Variants in PLA2R1 observed in about 807,000 individuals in gnomAD.
PLA2R1 encodes the protein phospholipase A2 receptor 1.
Under a neutral mutation model 195.9 loss-of-function variants are expected in PLA2R1, and 158 were observed. The ratio of observed to expected loss-of-function variants is 0.81; its 90% CI spans 0.71 to 0.92. PLA2R1 has a LOEUF of 0.92. Ranked by LOEUF, PLA2R1 falls within the 40% of genes least tolerant of loss-of-function variation. The pLI, the probability that PLA2R1 is intolerant of heterozygous loss-of-function variation, is 0.00. For missense variants in PLA2R1, 1,626 were observed against 1,764.6 expected (o/e 0.92, Z 1.41); for synonymous variants, 586 against 598.2 (o/e 0.98, Z 0.30).
chr2:160,024,448 C>T (rs1693368604), intron 6 of PLA2R1, among the ~76,000 whole-genome samples: 1 of 152,100 alleles, frequency 6.6e-6, no homozygotes, highest in Non-Finnish European at 1.5e-5. Context: ...CCAGAGTAGT[C>T]ATGTTCCCCA....
Position 159,938,989 on chromosome 2 carries a change from A to G in PLA2R1, c.*2789T>C, listed in dbSNP as rs2125910791. On this transcript the variant is annotated 3_prime_UTR_variant, in exon 30 of 30. Coordinates refer to ENST00000283243, the MANE Select transcript of PLA2R1 (RefSeq NM_007366.5). The stretch of plus-strand genomic sequence containing the variant: ...CTATAAAGATCCTCAGGTTAGTCAT[A>G]GAACATAATTGACTGTTGGAGGGGC... 6.6e-6 allele frequency: 1 copy of G among 152,328 alleles called. No individual in the cohort carries two copies. Among genetic ancestry groups the G allele is most frequent in the Non-Finnish European group, 1.5e-5 (1 of 68,018 alleles). 9.4% of individuals were successfully genotyped at this position (152,328 alleles called of 1,614,324 possible).
chr2:159,967,740 C>T (rs1292101365), intron 19 of PLA2R1, 62 bp from the exon 20 acceptor site: 1 of 1,356,056 alleles, frequency 7.4e-7, no homozygotes, highest in Non-Finnish European at 1.0e-6. Flanking sequence ...AAGGCATTCT[C>T]TATTGATCAC....
At chr2:160,003,743 T>C (rs1001370261) in intron 11 of PLA2R1, among the ~76,000 whole-genome samples, 4 of 152,208 alleles carry the variant, frequency 2.6e-5, no homozygotes, top group African/African-American at 9.6e-5. Flanking sequence ...TAGGCCAACA[T>C]GCTCATAGTT....
chr2:160,051,536 C>T (rs749959367), intron 1 of PLA2R1, among the ~76,000 whole-genome samples: 13 of 152,322 alleles, frequency 8.5e-5, no homozygotes, highest in East Asian at 1.9e-4. Flanking sequence ...CAGCTTCTCT[C>T]TTGAGATGTA....
chr2:159,969,148 G>C lies in PLA2R1; in HGVS notation c.2764+108C>G, dbSNP rs796713105. 4 of 623,510 alleles carry C rather than the reference G, an allele frequency of 6.4e-6. No individual in the cohort carries two copies. In the South Asian group the frequency reaches 8.0e-5, roughly 12 times the overall value. The allele number at this position is 623,510 out of a possible 1,614,324, so 38.6% of individuals were successfully genotyped here. On this transcript the variant is annotated intron_variant, in intron 19 of 29. Coordinates refer to ENST00000283243, the MANE Select transcript of PLA2R1 (RefSeq NM_007366.5). ...CAAAACTGAACACGTCAACTGAAAA[G>C]AGAAATAAACAGAAACTTCTCATGG... is the stretch of plus-strand genomic sequence containing the variant.
At chr2:160,000,046 C>T (rs1267169064) in intron 11 of PLA2R1, among the ~76,000 whole-genome samples, 2 of 152,148 alleles carry the variant, frequency 1.3e-5, no homozygotes, top group African/African-American at 4.8e-5. Flanking sequence ...GCCAAACTAC[C>T]TTCCTAGTGG....
At chr2:159,952,003 C>A (rs1014516107) in intron 23 of PLA2R1, among the ~76,000 whole-genome samples, 3 of 152,124 alleles carry the variant, frequency 2.0e-5, no homozygotes, top group African/African-American at 7.2e-5. Context: ...GCATTGCAAA[C>A]CTAATATTAC....
At chr2:159,967,953 C>T (rs1407002195) in intron 19 of PLA2R1, among the ~76,000 whole-genome samples, 1 of 152,064 alleles carries the variant, frequency 6.6e-6, no homozygotes, top group Non-Finnish European at 1.5e-5. Context: ...TGATTAAAAT[C>T]TTAAGAATAT....
downstream of PLA2R1, among the ~76,000 whole-genome samples, chr2:159,928,639 C>A (rs1686532137): frequency 6.6e-6 from 1 of 152,052 alleles, no homozygotes; most frequent in South Asian, 2.1e-4. Context: ...TAATTCTTCA[C>A]AGAACTAGAA....
chr2:159,941,639 T>A lies in PLA2R1; in HGVS notation c.*139A>T. 1.7e-6 allele frequency: 1 copy of A among 572,618 alleles called. No individual in the cohort carries two copies. The highest frequency in any genetic ancestry group is 3.1e-6 in the Non-Finnish European group (1 of 322,412). 35.5% of individuals were successfully genotyped at this position (572,618 alleles called of 1,614,324 possible). ...TGATTTGGTTAAGATTCAAAACCAG[T>A]AATCACTTCAAGAATAATTAAAATA... On this transcript the variant is annotated 3_prime_UTR_variant, in exon 30 of 30. Transcript: ENST00000283243.
chr2:159,988,522 C>A (rs1009133634), intron 11 of PLA2R1, among the ~76,000 whole-genome samples: 2 of 152,146 alleles, frequency 1.3e-5, no homozygotes, highest in Non-Finnish European at 2.9e-5. Context: ...GTGATGGAGC[C>A]TGTCCAGAGA....
intron 3 of PLA2R1, among the ~76,000 whole-genome samples, chr2:160,038,152 T>C (rs1366511534): frequency 6.6e-6 from 1 of 152,152 alleles, no homozygotes; most frequent in Non-Finnish European, 1.5e-5. Context: ...TTCTCTCTAT[T>C]TAGAGGATGA....
At chr2:160,023,857 C>T (rs1202842116) in intron 6 of PLA2R1, among the ~76,000 whole-genome samples, 2 of 152,186 alleles carry the variant, frequency 1.3e-5, no homozygotes, top group Non-Finnish European at 2.9e-5. Context: ...GTAGCAGAAA[C>T]AACACGGAGC....
chr2:159,955,968 T>C, intron 21 of PLA2R1, 140 bp from the exon 22 acceptor site: 1 of 515,312 alleles, frequency 1.9e-6, no homozygotes, highest in Non-Finnish European at 3.3e-6. Context: ...TGTTACTTTA[T>C]CCTTGTTAAG....
At chr2:159,931,036 A>G (rs1243981433), downstream of PLA2R1, among the ~76,000 whole-genome samples, 1 of 152,196 alleles carries the variant, frequency 6.6e-6, no homozygotes. Flanking sequence ...TGTACATGGA[A>G]TAAGTCTCAA....
intron 1 of PLA2R1, among the ~76,000 whole-genome samples, chr2:160,053,936 T>G (rs1695376699): frequency 6.6e-6 from 1 of 152,238 alleles, no homozygotes; most frequent in Admixed American, 6.5e-5. Context: ...CTTTAAACCC[T>G]AAGTGGAAGG....
intron 11 of PLA2R1, among the ~76,000 whole-genome samples, chr2:160,004,669 T>C (rs1691851764): frequency 6.6e-6 from 1 of 152,186 alleles, no homozygotes; most frequent in South Asian, 2.1e-4. Context: ...ACAGCCCTGA[T>C]GGAGATACAG....
At chr2:159,971,278 A>T (rs1689157472) in intron 17 of PLA2R1, among the ~76,000 whole-genome samples, 1 of 152,216 alleles carries the variant, frequency 6.6e-6, no homozygotes, top group South Asian at 2.1e-4. Context: ...CTAAGATTGT[A>T]TTAGTAATGT....
At chr2:159,988,899 T>A (rs1036777241) in intron 11 of PLA2R1, among the ~76,000 whole-genome samples, 1 of 152,166 alleles carries the variant, frequency 6.6e-6, no homozygotes, top group Non-Finnish European at 1.5e-5. Context: ...AGGAATGGAA[T>A]AATTTGCTAA....
Sources: allele counts gnomAD v4.1 joint callset (sites outside exome capture counted in the v4.1 genomes callset), GRCh38; gene constraint gnomAD v4.1.1; transcripts MANE v1.5; gene names NCBI Gene and HGNC (gene_info 2026-07-23, HGNC 2026-07-21).